The following EPS8 variants were observed in gnomAD, a reference collection of about 807,000 sequenced individuals.
The protein encoded by EPS8 is epidermal growth factor receptor kinase substrate 8.
In EPS8, 42 loss-of-function variants were observed where a neutral mutation model predicts 103.8. That is an observed-to-expected ratio of 0.40 (90% CI 0.32 to 0.52). The LOEUF is 0.52. Ranked by LOEUF, EPS8 falls within the 20% of genes least tolerant of loss-of-function variation. The pLI is 0.40. For missense variants in EPS8, 969 were observed against 1,005.1 expected (o/e 0.96, Z 0.49); for synonymous variants, 344 against 344.6 (o/e 1.00, Z 0.02).
At chr12:15,741,665 AG>A (rs1946824303) in intron 1 of EPS8, among the ~76,000 whole-genome samples, 1 of 152,204 alleles carries the variant, frequency 6.6e-6, no homozygotes, top group African/African-American at 2.4e-5. Context: ...TAGCTACTCC[AG>A]CTTAGATTAA....
At chr12:15,685,969 C>G (rs896558935) in intron 1 of EPS8, among the ~76,000 whole-genome samples, 1 of 152,078 alleles carries the variant, frequency 6.6e-6, no homozygotes, top group Non-Finnish European at 1.5e-5. Flanking sequence ...TGCAGTTAAT[C>G]ACACTAACTA....
At chr12:15,654,038 C>T in intron 13 of EPS8, 107 bp downstream of exon 13, 1 of 1,100,022 alleles carries the variant, frequency 9.1e-7, no homozygotes, top group Non-Finnish European at 1.3e-6. Context: ...TTTTTTCATC[C>T]TATGACGCTT....
At position 15,651,052 on chromosome 12, in the gene EPS8, T is replaced by C. The variant is rs757371661; in HGVS notation, c.1251-46A>G. On this transcript the variant is annotated intron_variant, in intron 13 of 20. Coordinates refer to ENST00000281172, the MANE Select transcript of EPS8 (RefSeq NM_004447.6). ...ATATAAACAATAAAATCTAGGAATG[T>C]ATCCATGCTCACAGTTATCTTCAGT... is the stretch of plus-strand genomic sequence containing the variant. The C allele has an allele frequency of 6.6e-6, 10 of 1,512,284 alleles. No homozygotes were observed. The East Asian group carries it at 1.6e-4, about 24-fold the overall frequency. 93.7% of individuals were successfully genotyped at this position (1,512,284 alleles called of 1,614,324 possible).
At chr12:15,723,754 A>T (rs1946623873) in intron 1 of EPS8, among the ~76,000 whole-genome samples, 2 of 152,156 alleles carry the variant, frequency 1.3e-5, no homozygotes, top group African/African-American at 4.8e-5. Context: ...ACCTCCATAG[A>T]TTATTCTAAT....
At chr12:15,638,103 T>C (rs1474485263) in intron 17 of EPS8, among the ~76,000 whole-genome samples, 1 of 152,108 alleles carries the variant, frequency 6.6e-6, no homozygotes, top group African/African-American at 2.4e-5. Flanking sequence ...GATTCTTCCT[T>C]AGATATTTTA....
At chr12:15,624,965 G>C (rs1565464083) in intron 18 of EPS8, among the ~76,000 whole-genome samples, 1 of 152,164 alleles carries the variant, frequency 6.6e-6, no homozygotes. Context: ...TCCTACAGCA[G>C]AGAATAACCC....
intron 1 of EPS8, among the ~76,000 whole-genome samples, chr12:15,741,237 G>A (rs947724580): frequency 2.0e-5 from 3 of 152,104 alleles, no homozygotes; most frequent in Non-Finnish European, 4.4e-5. Flanking sequence ...AGTCCAATGG[G>A]GTAACAGAGC....
chr12:15,732,947 T>C (rs1946733408), intron 1 of EPS8, among the ~76,000 whole-genome samples: 1 of 152,082 alleles, frequency 6.6e-6, no homozygotes, highest in Non-Finnish European at 1.5e-5. Context: ...GACACAGAAA[T>C]AGCAGCTGCA....
chr12:15,630,134 A>G (rs1945018359), intron 18 of EPS8, among the ~76,000 whole-genome samples: 2 of 151,968 alleles, frequency 1.3e-5, no homozygotes, highest in Admixed American at 1.3e-4. Context: ...GCAGAACCCT[A>G]AGAGAGGCCC....
chr12:15,679,467 T>C (rs745873153), intron 3 of EPS8, among the ~76,000 whole-genome samples: 10 of 152,230 alleles, frequency 6.6e-5, no homozygotes, highest in Non-Finnish European at 4.4e-5. Flanking sequence ...TACTAGCCAC[T>C]ATGCCAGTAA....
In EPS8 at chr12:15,731,441, G is replaced by GA. The variant is rs1946715242; in HGVS notation, c.-21-48470_-21-48469insT. Among the ~76,000 whole-genome samples, 1 of 152,084 alleles carries GA rather than the reference G, an allele frequency of 6.6e-6. No homozygotes were observed. Among genetic ancestry groups the GA allele is most frequent in the Non-Finnish European group, 1.5e-5 (1 of 68,022 alleles). On this transcript the variant is annotated intron_variant, in intron 1 of 20. Coordinates refer to ENST00000281172, the MANE Select transcript of EPS8 (RefSeq NM_004447.6). The surrounding 1 kb of genome is among the most constrained non-coding windows in gnomAD (Gnocchi z 5.1). ...AGATTCCCAAAAGCTGGGATTACAG[G>GA]TGCCTGCCACCACGCCTGGCTAATT... is the stretch of plus-strand genomic sequence containing the variant.
chr12:15,666,379 TG>T, intron 7 of EPS8, 60 bp downstream of exon 7: 1 of 1,274,332 alleles, frequency 7.8e-7, no homozygotes. Flanking sequence ...TCTAACTCTT[TG>T]GGGAAAAAAG....
At chr12:15,691,820 T>G (rs993602554) in intron 1 of EPS8, among the ~76,000 whole-genome samples, 2 of 152,144 alleles carry the variant, frequency 1.3e-5, no homozygotes, top group African/African-American at 2.4e-5. Flanking sequence ...TTTTTATATA[T>G]TTGTCTTCTG....
chr12:15,716,420 C>T lies in EPS8; in HGVS notation c.-21-33448G>A, dbSNP rs1946534104. Among the ~76,000 whole-genome samples the T allele has an allele frequency of 6.6e-6, 1 of 152,088 alleles. No homozygotes were observed. The highest frequency in any genetic ancestry group is 1.9e-4 in the East Asian group (1 of 5,190). ...CCAAATATTAAAAAAATGGCATGGA[C>T]TGAAACCATCCATAGTCATTCATAT... On this transcript the variant is annotated intron_variant, in intron 1 of 20. Transcript: ENST00000281172. This position sits in a 1 kb window ranked among gnomAD's most constrained non-coding sequence, Gnocchi z 5.0.
Position 15,728,410 on chromosome 12 carries a change from G to A in EPS8, c.-21-45438C>T, listed in dbSNP as rs1946678180. 6.6e-6 allele frequency: 1 copy of A among 152,076 alleles called. No homozygotes were observed. The highest frequency in any genetic ancestry group is 2.1e-4 in the South Asian group (1 of 4,824). The allele number at this position is 152,076 out of a possible 1,614,324, so 9.4% of individuals were successfully genotyped here. On this transcript the variant is annotated intron_variant, in intron 1 of 20. Transcript: ENST00000281172. This position sits in a 1 kb window ranked among gnomAD's most constrained non-coding sequence, Gnocchi z 4.5. ...TGAAGCTTAAAGAAACTACAGCAGT[G>A]GCCCTTTTAAGAACACTGGATCCCG...
At chr12:15,729,401 A>G (rs993351250) in intron 1 of EPS8, among the ~76,000 whole-genome samples, 1 of 151,806 alleles carries the variant, frequency 6.6e-6, no homozygotes, top group African/African-American at 2.4e-5. Context: ...CATATGTTAC[A>G]CCTTTTGTAA....
chr12:15,673,715 C>T (rs7132194), intron 3 of EPS8, among the ~76,000 whole-genome samples: 2 of 152,064 alleles, frequency 1.3e-5, no homozygotes, highest in Non-Finnish European at 2.9e-5. Flanking sequence ...ATGTAAATAT[C>T]GTCAAATGGT....
In EPS8 at chr12:15,771,372, C is replaced by G. The variant is rs1482773249; in HGVS notation, c.-22+17789G>C. On this transcript the variant is annotated intron_variant, in intron 1 of 20. Transcript: ENST00000281172. The surrounding 1 kb of genome is among the most constrained non-coding windows in gnomAD (Gnocchi z 4.6). The stretch of plus-strand genomic sequence containing the variant: ...AGCCTGAAAAGGAAACCTTTGTTAG[C>G]AGTTTTTAAAGCAATGGACTGACAT... Among the ~76,000 whole-genome samples, 4 of 152,120 alleles carry G rather than the reference C, an allele frequency of 2.6e-5. No homozygotes were observed. Among genetic ancestry groups the G allele is most frequent in the African/African-American group, 4.8e-5 (2 of 41,428 alleles).
At chr12:15,665,493 C>T (rs1370008017) in intron 8 of EPS8, 20 of 382,696 alleles carry the variant, frequency 5.2e-5, no homozygotes, top group South Asian at 4.8e-4. Context: ...ACCACACCCA[C>T]CTAATTTTTG....
Sources: gnomAD v4.1 joint callset for allele counts (sites outside exome capture counted in the v4.1 genomes callset) on GRCh38, gnomAD v4.1.1 for gene constraint, Gnocchi (gnomAD v3.1) non-coding constraint, MANE v1.5 for transcripts, NCBI Gene and HGNC (gene_info 2026-07-23, HGNC 2026-07-21) for gene names.